THADA: variants seen among roughly 807,000 people sequenced by gnomAD.
THADA encodes THADA armadillo repeat containing.
THADA carries 213 observed loss-of-function variants against 219.8 expected under a neutral mutation model. The observed-to-expected ratio is 0.97, with a 90% CI of 0.87 to 1.09. The LOEUF is 1.09. Among genes scored for constraint, THADA ranks in the 50% least tolerant of loss-of-function variants. The probability of loss-of-function intolerance (pLI) is 0.00; values close to 1 mark genes in which losing one functional copy is unlikely to be tolerated. For synonymous variants in THADA, 1,018 were observed against 828.9 expected (o/e 1.23, Z -3.92); for missense variants, 2,956 against 2,311.3 (o/e 1.28, Z -5.72).
chr2:43,490,235 G>A (rs1357789533), intron 25 of THADA, among the ~76,000 whole-genome samples: 1 of 152,156 alleles, frequency 6.6e-6, no homozygotes, highest in Non-Finnish European at 1.5e-5. Context: ...ATTTGCATGT[G>A]TGTGGATTCC....
chr2:43,574,972 T>C lies in THADA; in HGVS notation c.1093A>G (p.Asn365Asp). The C allele has an allele frequency of 6.2e-7, 1 of 1,613,992 alleles. No homozygotes were observed. Among genetic ancestry groups the C allele is most frequent in the South Asian group, 1.1e-5 (1 of 91,066 alleles). The change falls in exon 11 of 38, where the codon AAT (asparagine) becomes GAT (aspartate). Residue 365 changes from asparagine (N) to aspartate (D), a missense_variant. Asn to Asp is a conservative substitution (Grantham distance 23). Transcript: ENST00000405975. ...GATTCAAGGACTTGTATGGCTGAAT[T>C]AGTCCAGGATGCTAAGATTCTAGAC... ...FLSRILASWT[N>D]SAIQVLESSS... is the part of the protein sequence containing the mutation.
intron 4 of THADA, among the ~76,000 whole-genome samples, chr2:43,590,328 A>G (rs1025990361): frequency 6.6e-6 from 1 of 152,210 alleles, no homozygotes; most frequent in Non-Finnish European, 1.5e-5. Context: ...AGCAAACTAC[A>G]GCCCACAGCC....
chr2:43,470,207 C>CAAA (rs67659070), intron 26 of THADA, among the ~76,000 whole-genome samples: 2 of 80,674 alleles, frequency 2.5e-5, no homozygotes, highest in Non-Finnish European at 5.5e-5. Flanking sequence ...GACCTTGTCT[C>CAAA]AAAAAAAAAA....
At chr2:43,457,847 A>G (rs1683199355) in intron 26 of THADA, among the ~76,000 whole-genome samples, 1 of 152,076 alleles carries the variant, frequency 6.6e-6, no homozygotes, top group South Asian at 2.1e-4. Flanking sequence ...GGAGTACTCC[A>G]TTATAAAGTC....
chr2:43,515,170 AT>A (rs1691371157), intron 22 of THADA, among the ~76,000 whole-genome samples: 1 of 12,634 alleles, frequency 7.9e-5, no homozygotes, highest in African/African-American at 3.1e-4. Context: ...TATATAATAT[AT>A]TATATATTAT....
chr2:43,505,119 T>G (rs1689497019), intron 24 of THADA, among the ~76,000 whole-genome samples: 1 of 152,184 alleles, frequency 6.6e-6, no homozygotes, highest in Non-Finnish European at 1.5e-5. Flanking sequence ...AATTTTCAAC[T>G]GCTGAGTTAC....
intron 36 of THADA, among the ~76,000 whole-genome samples, chr2:43,237,766 G>GA (rs1668199663): frequency 1.3e-5 from 2 of 151,962 alleles, no homozygotes; most frequent in African/African-American, 4.8e-5. Flanking sequence ...GTATGACCTT[G>GA]AATTAGGCAA....
At chr2:43,455,508 T>TCG (rs1682877461) in intron 26 of THADA, among the ~76,000 whole-genome samples, 1 of 112,928 alleles carries the variant, frequency 8.9e-6, no homozygotes, top group Non-Finnish European at 1.8e-5. Context: ...GCTCTCGCTC[T>TCG]CTCTCTCTCT....
intron 36 of THADA, among the ~76,000 whole-genome samples, chr2:43,233,817 AAC>A (rs1481659805): frequency 1.3e-5 from 2 of 152,138 alleles, no homozygotes; most frequent in Non-Finnish European, 2.9e-5. Flanking sequence ...GGGTGTCTGA[AAC>A]ACGGGACTGA....
intron 36 of THADA, among the ~76,000 whole-genome samples, chr2:43,277,748 G>A (rs1374386529): frequency 1.3e-5 from 2 of 152,132 alleles, no homozygotes; most frequent in Non-Finnish European, 2.9e-5. Context: ...ATTTTACTGT[G>A]GCATTTAGTC....
chr2:43,343,902 A>G (rs1029847842), intron 30 of THADA: 6 of 430,986 alleles, frequency 1.4e-5, no homozygotes, highest in Non-Finnish European at 1.7e-5. Flanking sequence ...ACAAAAAGCC[A>G]TATTACATGC....
chr2:43,362,726 G>A (rs1669673400), intron 29 of THADA, among the ~76,000 whole-genome samples: 1 of 152,016 alleles, frequency 6.6e-6, no homozygotes. Context: ...ACCTTAGTTT[G>A]CTCTAACATT....
chr2:43,396,946 T>C (rs1442544695), intron 29 of THADA, among the ~76,000 whole-genome samples: 17 of 152,352 alleles, frequency 1.1e-4, no homozygotes, highest in Admixed American at 9.8e-4. Flanking sequence ...ATAACAATAA[T>C]GACTGTCTAT....
chr2:43,317,405 GAC>G (rs1678208081), intron 31 of THADA, among the ~76,000 whole-genome samples: 1 of 152,128 alleles, frequency 6.6e-6, no homozygotes, highest in South Asian at 2.1e-4. Flanking sequence ...GTGCTTAGAC[GAC>G]AAAGAATCTA....
intron 31 of THADA, 137 bp from the exon 32 acceptor site, chr2:43,293,350 A>C: frequency 2.1e-6 from 2 of 957,590 alleles, no homozygotes; most frequent in Non-Finnish European, 3.0e-6. Flanking sequence ...CACTGTCATA[A>C]GTGAGTGGCC....
intron 17 of THADA, among the ~76,000 whole-genome samples, chr2:43,552,864 T>C (rs1696908582): frequency 6.6e-6 from 1 of 152,016 alleles, no homozygotes; most frequent in Admixed American, 6.6e-5. Flanking sequence ...CTTGCACCTC[T>C]ACCCTTCTCC....
Position 43,485,335 on chromosome 2 carries a change from A to G in THADA, c.3745-10T>C, listed in dbSNP as rs781048285. On this transcript the variant is annotated splice_polypyrimidine_tract_variant and intron_variant, in intron 25 of 37. Coordinates refer to ENST00000405975, the MANE Select transcript of THADA (RefSeq NM_022065.5). Reference sequence around the variant, plus strand: ...TGGATGAATTTCGCACCTAATGTACAAACGAAAACACAATAAGGCTTAAAT... The same window carrying G: ...TGGATGAATTTCGCACCTAATGTACGAACGAAAACACAATAAGGCTTAAAT... 3 of 1,590,360 alleles carry G rather than the reference A, an allele frequency of 1.9e-6. No individual in the cohort carries two copies. The highest frequency in any genetic ancestry group is 1.3e-5 in the African/African-American group (1 of 74,324).
intron 29 of THADA, among the ~76,000 whole-genome samples, chr2:43,357,633 C>T (rs1023781413): frequency 3.0e-4 from 46 of 152,154 alleles, no homozygotes; most frequent in African/African-American, 1.1e-3. Flanking sequence ...CAATACGGGA[C>T]CAGTTGAAAA....
chr2:43,469,684 AAC>A (rs952680540), intron 26 of THADA, among the ~76,000 whole-genome samples: 2 of 151,988 alleles, frequency 1.3e-5, no homozygotes, highest in African/African-American at 4.8e-5. Flanking sequence ...AATCCAAAAA[AAC>A]ATGCCTCTCT....
Sources: allele counts gnomAD v4.1 joint callset (sites outside exome capture counted in the v4.1 genomes callset), GRCh38; gene constraint gnomAD v4.1.1; transcripts MANE v1.5; gene names NCBI Gene and HGNC (gene_info 2026-07-23, HGNC 2026-07-21).